The following USH2A variants were observed in gnomAD, a reference collection of about 807,000 sequenced individuals.
The protein encoded by USH2A is Usher syndrome 2A (autosomal recessive, mild).
Under a neutral mutation model 538.9 loss-of-function variants are expected in USH2A, and 443 were observed. The observed-to-expected ratio is 0.82, with a 90% CI of 0.76 to 0.89. The LOEUF (loss-of-function observed/expected upper bound fraction) is 0.89. Ranked by LOEUF, USH2A falls within the 40% of genes least tolerant of loss-of-function variation. The pLI, the probability that USH2A is intolerant of heterozygous loss-of-function variation, is 0.00. For synonymous variants in USH2A, 2,413 were observed against 2,273.5 expected (o/e 1.06, Z -1.75); for missense variants, 6,633 against 6,324.8 (o/e 1.05, Z -1.65).
chr1:215,817,260 T>G (rs1662885295), intron 47 of USH2A, 65 bp from the exon 48 acceptor site: 1 of 1,509,850 alleles, frequency 6.6e-7, no homozygotes. Flanking sequence ...CTATCAGTCT[T>G]AAGTAAAAAG....
At chr1:215,769,325 T>G (rs1005607662) in intron 55 of USH2A, among the ~76,000 whole-genome samples, 1 of 152,136 alleles carries the variant, frequency 6.6e-6, no homozygotes, top group Non-Finnish European at 1.5e-5. Context: ...AAATAAAATT[T>G]TAGGATGGGC....
chr1:216,126,712 G>T (rs1323897590), intron 21 of USH2A, among the ~76,000 whole-genome samples: 1 of 151,958 alleles, frequency 6.6e-6, no homozygotes, highest in Non-Finnish European at 1.5e-5. Context: ...AATAATAAAA[G>T]CCACGTAACA....
At chr1:216,221,729 A>C (rs2035461012) in intron 14 of USH2A, among the ~76,000 whole-genome samples, 1 of 152,316 alleles carries the variant, frequency 6.6e-6, no homozygotes, top group Non-Finnish European at 1.5e-5. Flanking sequence ...TGATCTGAGA[A>C]CACTGTCTCT....
At chr1:216,156,248 C>T (rs1410399321) in intron 21 of USH2A, among the ~76,000 whole-genome samples, 1 of 149,772 alleles carries the variant, frequency 6.7e-6, no homozygotes, top group East Asian at 1.9e-4. Context: ...TACCTGGACT[C>T]CTTTACTTTC....
In USH2A at chr1:215,999,038, A is replaced by G. The variant is rs10864219; in HGVS notation, c.6506T>C (p.Ile2169Thr). 832,816 of 1,609,012 alleles carry G rather than the reference A, an allele frequency of 0.52. 220,928 individuals carry two copies. Among genetic ancestry groups the G allele is most frequent in the East Asian group, 0.86 (38,592 of 44,724 alleles). ...IHIQWKQPRK[I>T]SGILERYVLY... ...TACATAGCGTTCCAGAATCCCACTT[A>G]TTTTTCTTGGTTGTTTCCACCTGGG... The change falls in exon 34 of 72, where the codon ATA (isoleucine) becomes ACA (threonine). Residue 2169 changes from isoleucine (I) to threonine (T), a missense_variant. Coordinates refer to ENST00000307340, the MANE Select transcript of USH2A (RefSeq NM_206933.4).
At chr1:216,118,252 C>T (rs1236000362) in intron 21 of USH2A, among the ~76,000 whole-genome samples, 3 of 152,080 alleles carry the variant, frequency 2.0e-5, no homozygotes, top group Non-Finnish European at 4.4e-5. Context: ...AAAATCCGTC[C>T]ACTGTATTTG....
Position 215,836,472 on chromosome 1 carries a change from ATATATATAATATATAT to A in USH2A, c.9371+1503_9371+1518del, listed in dbSNP as rs1348084610. Among the ~76,000 whole-genome samples, 26 of 5,088 alleles carry A rather than the reference ATATATATAATATATAT, an allele frequency of 5.1e-3. No homozygotes were observed. The South Asian group carries it at 0.13, about 26-fold the overall frequency. The allele number at this position is 5,088 out of a possible 152,430, so 3.3% of individuals were successfully genotyped here. ...GTGTGTGTGTATATATATTATATAT[ATATATATAATATATAT>A]TATATATATAATATATATTATATAT... On this transcript the variant is annotated intron_variant, in intron 47 of 71. Coordinates refer to ENST00000307340, the MANE Select transcript of USH2A (RefSeq NM_206933.4).
chr1:216,180,782 C>A (rs2034477974), intron 20 of USH2A, among the ~76,000 whole-genome samples: 1 of 152,084 alleles, frequency 6.6e-6, no homozygotes, highest in South Asian at 2.1e-4. Context: ...TTAATAAGCA[C>A]CCTGTCAATA....
chr1:215,926,275 T>G (rs4310414), intron 38 of USH2A, among the ~76,000 whole-genome samples: 122,474 of 149,994 alleles, frequency 0.82, 50,100 homozygotes, highest in Admixed American at 0.84. Context: ...TACCCACACA[T>G]TTCATTGCTC....
intron 46 of USH2A, among the ~76,000 whole-genome samples, chr1:215,841,838 C>A (rs1663685794): frequency 6.6e-6 from 1 of 151,364 alleles, no homozygotes; most frequent in African/African-American, 2.4e-5. Context: ...GAAACTTAAA[C>A]AAATTTGCAA....
In USH2A at chr1:216,046,499, G is replaced by A. The variant is rs149202379; in HGVS notation, c.6257C>T (p.Thr2086Ile). 4 of 1,613,748 alleles carry A rather than the reference G, an allele frequency of 2.5e-6. No homozygotes were observed. Among genetic ancestry groups the A allele is most frequent in the Middle Eastern group, 1.6e-4 (1 of 6,078 alleles). ...CCCATCCATGTATAAACAGTACTGA[G>A]TTATAATACCATTTGCCTTTTTGGG... ...NPPKKANGII[T>I]QYCLYMDGRL... is the part of the protein sequence containing the mutation. Residue 2086 changes from threonine (T) to isoleucine (I), a missense_variant, in exon 32 of 72, where the codon ACT becomes ATT. Transcript: ENST00000307340.
At chr1:215,689,520 T>C (rs1476534506) in intron 61 of USH2A, among the ~76,000 whole-genome samples, 3 of 152,232 alleles carry the variant, frequency 2.0e-5, no homozygotes, top group Non-Finnish European at 2.9e-5. Flanking sequence ...TCAGGGCCTA[T>C]GCCTTGTTGC....
intron 37 of USH2A, among the ~76,000 whole-genome samples, chr1:215,942,228 G>A (rs1379652913): frequency 3.9e-5 from 6 of 152,204 alleles, no homozygotes; most frequent in Non-Finnish European, 7.4e-5. Flanking sequence ...GTTGCCTGGC[G>A]TTCACCCTCA....
intron 21 of USH2A, among the ~76,000 whole-genome samples, chr1:216,154,448 C>A (rs2033899947): frequency 6.6e-6 from 1 of 152,084 alleles, no homozygotes; most frequent in Non-Finnish European, 1.5e-5. Context: ...GTTAAAGCAA[C>A]TTGTTCATTA....
At chr1:216,181,362 G>T (rs1287771252) in intron 20 of USH2A, among the ~76,000 whole-genome samples, 2 of 152,044 alleles carry the variant, frequency 1.3e-5, no homozygotes, top group African/African-American at 2.4e-5. Context: ...CAGACATCCT[G>T]ATCCCCTTTG....
At position 215,766,754 on chromosome 1, in the gene USH2A, A is replaced by G; in HGVS notation, c.10974T>C (p.Leu3658=). 1 of 1,613,704 alleles carries G rather than the reference A, an allele frequency of 6.2e-7. No homozygotes were observed. The highest frequency in any genetic ancestry group is 8.5e-7 in the Non-Finnish European group (1 of 1,179,644). ...TGCACCCAGCAGATGTACAAGCTGT[A>G]AGAGTGAAGCTGTAGTTGGTGTATG... ...LQPYTNYSFT[L]TACTSAGCTS... The change falls in exon 56 of 72, where the codon CTT becomes CTC. Residue 3658 remains leucine (L), a synonymous_variant. Coordinates refer to ENST00000307340, the MANE Select transcript of USH2A (RefSeq NM_206933.4).
chr1:216,349,793 A>G (rs1481787797), intron 4 of USH2A, among the ~76,000 whole-genome samples: 1 of 152,206 alleles, frequency 6.6e-6, no homozygotes. Flanking sequence ...TGCTCTGCCT[A>G]TGGAGTAGCC....
rs749154377 is a variant in USH2A at position 215,759,837 on chromosome 1, C to G, written c.11054G>C (p.Trp3685Ser). Residue 3685 changes from tryptophan to serine, a missense_variant, in exon 57 of 72, where the codon TGG (tryptophan) becomes TCG (serine). Trp to Ser is a radical substitution (Grantham distance 177). Coordinates refer to ENST00000307340, the MANE Select transcript of USH2A (RefSeq NM_206933.4). ...GATGATAATGTGTCGAGGTGTCACC[C>G]AAACTCCTGGCAAGAATAACGCAAT... is the stretch of plus-strand genomic sequence containing the variant. ...QTLQAAPEGV[W>S]VTPRHIIINS... 4 of 1,613,910 alleles carry G rather than the reference C, an allele frequency of 2.5e-6. No homozygotes were observed. In the East Asian group the frequency reaches 6.7e-5, roughly 27 times the overall value.
rs1207295707 is a variant in USH2A at position 216,217,553 on chromosome 1, GAAAACAAGGCAAAT to G, written c.2994-17_2994-4del. 1 of 1,612,600 alleles carries G rather than the reference GAAAACAAGGCAAAT, an allele frequency of 6.2e-7. No homozygotes were observed. Among genetic ancestry groups the G allele is most frequent in the African/African-American group, 1.3e-5 (1 of 74,840 alleles). ...GATGACAATTACAAGGCTGACATCTGAAAACAAGGCAAATAAACCATCAAAGAGAATAGTGTTTT... is the reference window on the plus strand; with the variant it reads ...GATGACAATTACAAGGCTGACATCTGAAACCATCAAAGAGAATAGTGTTTT... On this transcript the variant is annotated splice_region_variant and splice_polypyrimidine_tract_variant and intron_variant, in intron 14 of 71. Coordinates refer to ENST00000307340, the MANE Select transcript of USH2A (RefSeq NM_206933.4).
Sources: gnomAD v4.1 joint callset for allele counts (sites outside exome capture counted in the v4.1 genomes callset) on GRCh38, gnomAD v4.1.1 for gene constraint, MANE v1.5 for transcripts, NCBI Gene and HGNC (gene_info 2026-07-23, HGNC 2026-07-21) for gene names.